The following SORCS2 variants were observed in gnomAD, a reference collection of about 807,000 sequenced individuals.
The protein encoded by SORCS2 is VPS10 domain-containing receptor SorCS2.
A neutral mutation model predicts 141.6 loss-of-function variants in SORCS2; 100 were observed. The ratio of observed to expected loss-of-function variants is 0.71; its 90% CI spans 0.60 to 0.83. The LOEUF (loss-of-function observed/expected upper bound fraction) is 0.83, where lower values mean the gene tolerates loss of function less well. Ranked by LOEUF, SORCS2 falls within the 40% of genes least tolerant of loss-of-function variation. The pLI, the probability that SORCS2 is intolerant of heterozygous loss-of-function variation, is 0.00. For missense variants in SORCS2, 1,646 were observed against 1,560.2 expected, an observed-to-expected ratio of 1.05 and a Z score of -0.93; for synonymous variants, 789 against 676.9, an observed-to-expected ratio of 1.17 and a Z score of -2.57.
At chr4:7,408,068 T>C (rs34851941) in intron 2 of SORCS2, among the ~76,000 whole-genome samples, 41,502 of 152,084 alleles carry the variant, frequency 0.27, 6,837 homozygotes, top group Middle Eastern at 0.45. Context: ...TCAATAGATG[T>C]ATCTTCTGGG....
rs186125737 is a variant in SORCS2, at chr4:7,373,059, G to A, written c.481-23229G>A. On this transcript the variant is annotated intron_variant, in intron 1 of 26. Transcript: ENST00000507866. ...CATAAAGTGCTCTGAATGTTTGTGT[G>A]CAGGTCTTGGTGTGGATGTATGCTT... Among the ~76,000 whole-genome samples the A allele has an allele frequency of 4.5e-3, 663 of 147,718 alleles. 1 individual carries two copies. The highest frequency in any genetic ancestry group is 0.015 in the African/African-American group (619 of 40,110).
intron 3 of SORCS2, among the ~76,000 whole-genome samples, chr4:7,609,930 A>G (rs1718300585): frequency 6.6e-6 from 1 of 152,136 alleles, no homozygotes; most frequent in African/African-American, 2.4e-5. Context: ...GCAGCCGGGC[A>G]CCCTATTTTC....
chr4:7,728,250 G>T (rs1727356244), intron 21 of SORCS2, 100 bp from the exon 22 acceptor site: 5 of 778,176 alleles, frequency 6.4e-6, no homozygotes, highest in African/African-American at 3.5e-5. Context: ...AGGCCTCCCG[G>T]GACCATCCAG....
intron 3 of SORCS2, among the ~76,000 whole-genome samples, chr4:7,569,487 G>C (rs138662896): frequency 1.3e-5 from 2 of 152,324 alleles, no homozygotes; most frequent in South Asian, 2.1e-4. Flanking sequence ...ACTCCAGCCT[G>C]GGGGACAGAC....
chr4:7,515,614 C>A (rs1016122884), intron 2 of SORCS2, among the ~76,000 whole-genome samples: 1 of 152,164 alleles, frequency 6.6e-6, no homozygotes, highest in Non-Finnish European at 1.5e-5. Context: ...CAGATGCTGC[C>A]GCTCGGAACC....
rs543737621 is a variant in SORCS2 at position 7,581,048 on chromosome 4, A to G, written c.648+49419A>G. On this transcript the variant is annotated intron_variant, in intron 3 of 26. Transcript: ENST00000507866. ...TTTACAGATGAGGAAACTGAGGCTC[A>G]TAGAAGAAAGGTGGTTTGCCCAAGA... 2.0e-5 allele frequency among the ~76,000 whole-genome samples: 3 copies of G among 152,276 alleles called. No homozygotes were observed. In the South Asian group the frequency reaches 6.2e-4, roughly 32 times the overall value.
Position 7,657,871 on chromosome 4 carries a change from T to G in SORCS2, c.888-3629T>G, listed in dbSNP as rs142461201. On this transcript the variant is annotated intron_variant, in intron 5 of 26. Transcript: ENST00000507866. Reference sequence around the variant, plus strand: ...GTGAATGAGTAAGTGAATGAGTGAGTGAGTCACTGAGTGAATGAGTGAGTG... The same window carrying G: ...GTGAATGAGTAAGTGAATGAGTGAGGGAGTCACTGAGTGAATGAGTGAGTG... Among the ~76,000 whole-genome samples, 802 of 151,290 alleles carry G rather than the reference T, an allele frequency of 5.3e-3. 6 individuals carry two copies. Among genetic ancestry groups the G allele is most frequent in the African/African-American group, 0.019 (775 of 41,138 alleles).
intron 1 of SORCS2, among the ~76,000 whole-genome samples, chr4:7,331,174 G>A (rs1319073286): frequency 6.6e-6 from 1 of 152,142 alleles, no homozygotes; most frequent in Non-Finnish European, 1.5e-5. Context: ...ATGGTGGGGG[G>A]GCTTCACCCC....
intron 2 of SORCS2, among the ~76,000 whole-genome samples, chr4:7,495,299 G>C (rs548524512): frequency 6.6e-6 from 1 of 152,214 alleles, no homozygotes; most frequent in South Asian, 2.1e-4. Flanking sequence ...AGGAGGCTAC[G>C]GCAGAAAGCG....
At chr4:7,538,319 C>A (rs532635123) in intron 3 of SORCS2, among the ~76,000 whole-genome samples, 3 of 152,170 alleles carry the variant, frequency 2.0e-5, no homozygotes, top group Admixed American at 1.3e-4. Flanking sequence ...GGCCAGGCAG[C>A]CTACTATTGT....
At chr4:7,639,469 A>C (rs1720495062) in intron 4 of SORCS2, among the ~76,000 whole-genome samples, 1 of 143,970 alleles carries the variant, frequency 6.9e-6, no homozygotes, top group Non-Finnish European at 1.5e-5. Flanking sequence ...TGGGTGTGTC[A>C]GTGTGAATGG....
chr4:7,273,037 G>A (rs1560155629), intron 1 of SORCS2, among the ~76,000 whole-genome samples: 2 of 152,236 alleles, frequency 1.3e-5, no homozygotes, highest in African/African-American at 2.4e-5. Context: ...TTGTTTCTGA[G>A]TAGGGGGCTG....
chr4:7,497,777 C>T (rs1731718703), intron 2 of SORCS2, among the ~76,000 whole-genome samples: 1 of 152,234 alleles, frequency 6.6e-6, no homozygotes, highest in Non-Finnish European at 1.5e-5. Flanking sequence ...AAGGTGACTC[C>T]CTTGTGGGAG....
chr4:7,294,007 C>T (rs1716785604), intron 1 of SORCS2, among the ~76,000 whole-genome samples: 1 of 152,104 alleles, frequency 6.6e-6, no homozygotes, highest in Admixed American at 6.5e-5. Flanking sequence ...TTTATTTTTA[C>T]CCACGCTCCT....
Position 7,703,295 on chromosome 4 carries a change from C to A in SORCS2, c.1684C>A (p.His562Asn), listed in dbSNP as rs776523911. 1.9e-6 allele frequency: 3 copies of A among 1,612,478 alleles called. No individual in the cohort carries two copies. The East Asian group carries it at 6.7e-5, about 36-fold the overall frequency. ...HTWRQVFEEE[H>N]HILYLDHGGV... ...TCCTCTGCAGGTGTTTGAGGAAGAG[C>A]ATCACATCCTGTACCTGGACCACGG... Residue 562 changes from histidine (H) to asparagine (N), a missense_variant, in exon 13 of 27, where the codon CAT (histidine) becomes AAT (asparagine). Transcript: ENST00000507866.
At chr4:7,198,537 G>A (rs10010578) in intron 1 of SORCS2, among the ~76,000 whole-genome samples, 6,383 of 152,192 alleles carry the variant, frequency 0.042, 436 homozygotes, top group African/African-American at 0.15. Flanking sequence ...TGTGGCCCCC[G>A]GTGGCTGAGC....
chr4:7,663,864 G>T lies in SORCS2; in HGVS notation c.953-489G>T, dbSNP rs1267611887. On this transcript the variant is annotated intron_variant, in intron 6 of 26. Transcript: ENST00000507866. This position sits in a 1 kb window ranked among gnomAD's most constrained non-coding sequence, Gnocchi z 4.8. ...CCCCTCCACATAAATTTGCCCCGGG[G>T]AAACAGAAGAACTTCAAATTAGCAG... 1.3e-5 allele frequency among the ~76,000 whole-genome samples: 2 copies of T among 152,150 alleles called. No homozygotes were observed. The highest frequency in any genetic ancestry group is 3.9e-4 in the East Asian group (2 of 5,192).
intron 1 of SORCS2, among the ~76,000 whole-genome samples, chr4:7,287,703 C>T (rs1420150693): frequency 1.3e-5 from 2 of 152,180 alleles, no homozygotes; most frequent in Admixed American, 6.5e-5. Context: ...TTTAATTTGA[C>T]ATTTGACTGA....
At chr4:7,461,979 C>G (rs551648155) in intron 2 of SORCS2, among the ~76,000 whole-genome samples, 2 of 152,326 alleles carry the variant, frequency 1.3e-5, no homozygotes, top group African/African-American at 4.8e-5. Flanking sequence ...ACACAGCTGG[C>G]ATCTGAAAGG....
Sources: allele counts gnomAD v4.1 joint callset (sites outside exome capture counted in the v4.1 genomes callset), GRCh38; gene constraint gnomAD v4.1.1; non-coding constraint Gnocchi (gnomAD v3.1); transcripts MANE v1.5; gene names NCBI Gene and HGNC (gene_info 2026-07-23, HGNC 2026-07-21).